The following TMTC2 variants were observed in gnomAD, a reference collection of about 807,000 sequenced individuals.
TMTC2 encodes the protein transmembrane O-mannosyltransferase targeting cadherins 2.
In TMTC2, 43 loss-of-function variants were observed where a neutral mutation model predicts 82.4. The ratio of observed to expected loss-of-function variants is 0.52; its 90% confidence interval spans 0.41 to 0.67. The LOEUF (loss-of-function observed/expected upper bound fraction) is 0.67, where lower values mean the gene tolerates loss of function less well. Ranked by LOEUF, TMTC2 falls within the 30% of genes least tolerant of loss-of-function variation. The pLI is 0.00. For missense variants in TMTC2, 919 were observed against 1,012.4 expected (o/e 0.91, Z 1.25); for synonymous variants, 408 against 381.9 (o/e 1.07, Z -0.80).
chr12:82,703,802 C>T (rs1378127161), intron 1 of TMTC2, among the ~76,000 whole-genome samples: 3 of 152,116 alleles, frequency 2.0e-5, no homozygotes, highest in African/African-American at 7.2e-5. Flanking sequence ...TAGATAGTTT[C>T]AATGAGTATC....
At chr12:82,973,701 G>A (rs774474369) in intron 7 of TMTC2, among the ~76,000 whole-genome samples, 3 of 152,188 alleles carry the variant, frequency 2.0e-5, no homozygotes, top group Non-Finnish European at 4.4e-5. Flanking sequence ...GCTGCATTAA[G>A]TAGGTAATAT....
chr12:83,061,666 G>A (rs1470776124), intron 10 of TMTC2, 102 bp from the exon 11 acceptor site: 3 of 999,608 alleles, frequency 3.0e-6, no homozygotes, highest in Non-Finnish European at 4.2e-6. Flanking sequence ...TGTTTGGTGT[G>A]ACCAGAATTT....
At chr12:82,770,213 A>G (rs1383404019) in intron 1 of TMTC2, among the ~76,000 whole-genome samples, 4 of 152,148 alleles carry the variant, frequency 2.6e-5, no homozygotes, top group South Asian at 4.1e-4. Context: ...TGAATTTAGT[A>G]TCCCATTTAA....
At chr12:82,690,618 T>A (rs1436497540) in intron 1 of TMTC2, among the ~76,000 whole-genome samples, 1 of 152,222 alleles carries the variant, frequency 6.6e-6, no homozygotes, top group Non-Finnish European at 1.5e-5. Flanking sequence ...TTTAAGAATA[T>A]GCCTCTGATG....
rs1321190321 is a variant in TMTC2, at chr12:82,943,981, A to G, written c.1598+13436A>G. ...AAAGAAATGTAAATCAGCCTGAAGGAAAGAGAAATGAAAAAGAAAAGAATA... is the reference window on the plus strand; with the variant it reads ...AAAGAAATGTAAATCAGCCTGAAGGGAAGAGAAATGAAAAAGAAAAGAATA... On this transcript the variant is annotated intron_variant, in intron 4 of 11. Coordinates refer to ENST00000321196, the MANE Select transcript of TMTC2 (RefSeq NM_152588.3). 2.0e-5 allele frequency among the ~76,000 whole-genome samples: 3 copies of G among 152,184 alleles called. No individual in the cohort carries two copies. In the East Asian group the frequency reaches 5.8e-4, roughly 29 times the overall value.
intron 8 of TMTC2, among the ~76,000 whole-genome samples, chr12:83,027,720 A>G (rs1185943337): frequency 2.0e-5 from 3 of 152,182 alleles, no homozygotes; most frequent in Non-Finnish European, 2.9e-5. Flanking sequence ...CCTAGAAAGA[A>G]TGTTCTCACC....
At chr12:83,008,818 A>G (rs979021822) in intron 8 of TMTC2, among the ~76,000 whole-genome samples, 6 of 152,182 alleles carry the variant, frequency 3.9e-5, no homozygotes, top group Non-Finnish European at 7.3e-5. Context: ...TTGTAGCTAC[A>G]GCTGCTAGAG....
At chr12:82,886,928 G>A (rs1202451049) in intron 2 of TMTC2, among the ~76,000 whole-genome samples, 2 of 152,174 alleles carry the variant, frequency 1.3e-5, no homozygotes, top group African/African-American at 4.8e-5. Flanking sequence ...ATTTTGGGAA[G>A]GAGGAGAGCT....
In TMTC2 at chr12:83,132,646, A is replaced by C; in HGVS notation, c.*257A>C. 1 of 376,774 alleles carries C rather than the reference A, an allele frequency of 2.7e-6. No homozygotes were observed. 23.3% of individuals were successfully genotyped at this position (376,774 alleles called of 1,614,324 possible). ...TGTAAACCAGAGCACTTAAAACAGA[A>C]CCTTTTGGCATTCTTAAAAAGGGAG... On this transcript the variant is annotated 3_prime_UTR_variant, in exon 12 of 12. Coordinates refer to ENST00000321196, the MANE Select transcript of TMTC2 (RefSeq NM_152588.3).
At chr12:83,027,534 G>C (rs74827046) in intron 8 of TMTC2, among the ~76,000 whole-genome samples, 1 of 152,052 alleles carries the variant, frequency 6.6e-6, no homozygotes, top group African/African-American at 2.4e-5. Context: ...AAATGATTTC[G>C]TCATATGTCA....
At chr12:82,753,193 A>G (rs879761032) in intron 1 of TMTC2, among the ~76,000 whole-genome samples, 1 of 152,032 alleles carries the variant, frequency 6.6e-6, no homozygotes, top group Middle Eastern at 3.2e-3. Context: ...TTGCCCTCCT[A>G]CCCTCAGGAG....
chr12:82,827,869 T>G (rs1340106896), intron 1 of TMTC2, among the ~76,000 whole-genome samples: 1 of 151,560 alleles, frequency 6.6e-6, no homozygotes, highest in Non-Finnish European at 1.5e-5. Flanking sequence ...AGCTTATTTT[T>G]TTTTCTTTTT....
At position 83,030,836 on chromosome 12, in the gene TMTC2, T is replaced by C. The variant is rs752763855; in HGVS notation, c.2109T>C (p.Ala703=). Residue 703 remains alanine, a synonymous_variant, in exon 9 of 12, where the codon GCT becomes GCC. Coordinates refer to ENST00000321196, the MANE Select transcript of TMTC2 (RefSeq NM_152588.3). ...KSEAEKLFLK[A]IELDPTKGNC... is the part of the protein sequence containing the mutation. The stretch of plus-strand genomic sequence containing the variant: ...AGGCTGAAAAGCTCTTCTTGAAGGC[T>C]ATTGAGCTGGATCCCACCAAAGGAA... 1.9e-5 allele frequency: 31 copies of C among 1,613,678 alleles called. No individual in the cohort carries two copies. In the South Asian group the frequency reaches 3.0e-4, roughly 15 times the overall value.
intron 1 of TMTC2, among the ~76,000 whole-genome samples, chr12:82,702,509 T>C (rs1162285363): frequency 6.6e-6 from 1 of 152,192 alleles, no homozygotes; most frequent in Non-Finnish European, 1.5e-5. Flanking sequence ...TTTTAAGTTG[T>C]TAATGGGAAA....
chr12:82,838,322 A>G (rs879330598), intron 1 of TMTC2, among the ~76,000 whole-genome samples: 2 of 152,174 alleles, frequency 1.3e-5, no homozygotes, highest in Middle Eastern at 3.2e-3. Context: ...ACCATAATCA[A>G]TGTAAAAACA....
At chr12:82,806,258 A>G (rs1021518622) in intron 1 of TMTC2, among the ~76,000 whole-genome samples, 3 of 152,126 alleles carry the variant, frequency 2.0e-5, no homozygotes, top group Non-Finnish European at 2.9e-5. Context: ...CATTTTTTTA[A>G]GACAAGAAAA....
chr12:83,054,470 A>G (rs1882462706), intron 10 of TMTC2, among the ~76,000 whole-genome samples: 1 of 151,926 alleles, frequency 6.6e-6, no homozygotes, highest in Admixed American at 6.6e-5. Context: ...TGGTGACTGA[A>G]TAAAAGATTG....
intron 4 of TMTC2, among the ~76,000 whole-genome samples, chr12:82,936,059 G>A (rs983017242): frequency 2.6e-5 from 4 of 151,896 alleles, no homozygotes. Flanking sequence ...ACTGAGAAAA[G>A]TTATAACTGG....
At chr12:83,066,047 G>T (rs61929896) in intron 11 of TMTC2, among the ~76,000 whole-genome samples, 110 of 152,034 alleles carry the variant, frequency 7.2e-4, no homozygotes, top group Non-Finnish European at 1.4e-3. Flanking sequence ...AATGTAGTAG[G>T]ATTTGAAAGT....
Sources: allele counts gnomAD v4.1 joint callset (sites outside exome capture counted in the v4.1 genomes callset), GRCh38; gene constraint gnomAD v4.1.1; transcripts MANE v1.5; gene names NCBI Gene and HGNC (gene_info 2026-07-23, HGNC 2026-07-21).